TAFA5: variants seen among roughly 807,000 people sequenced by gnomAD.
TAFA5 encodes the protein chemokine-like protein TAFA-5.
A neutral mutation model predicts 15.3 loss-of-function variants in TAFA5; 6 were observed. The observed-to-expected ratio is 0.39, with a 90% CI of 0.21 to 0.77. TAFA5 has a LOEUF of 0.77. Among genes scored for constraint, TAFA5 ranks in the 30% least tolerant of loss-of-function variants. The pLI is 0.41. For missense variants in TAFA5, 161 were observed against 193.1 expected (o/e 0.83, Z 0.98); for synonymous variants, 103 against 80.7 (o/e 1.28, Z -1.48).
At chr22:48,596,371 C>T (rs931226386) in intron 1 of TAFA5, among the ~76,000 whole-genome samples, 1 of 152,164 alleles carries the variant, frequency 6.6e-6, no homozygotes, top group Non-Finnish European at 1.5e-5. Flanking sequence ...GGACACCAGC[C>T]CCCTCCCGGT....
At chr22:48,731,476 T>G (rs73441805) in intron 3 of TAFA5, among the ~76,000 whole-genome samples, 438 of 152,340 alleles carry the variant, frequency 2.9e-3, no homozygotes, top group African/African-American at 8.3e-3. Context: ...GTGCCTGGTT[T>G]CGAAGCACCA....
chr22:48,648,358 C>T (rs1300756483), intron 2 of TAFA5, among the ~76,000 whole-genome samples: 3 of 152,142 alleles, frequency 2.0e-5, no homozygotes, highest in East Asian at 3.9e-4. Context: ...CGGATCCCAC[C>T]GCCTCTGCCC....
At chr22:48,502,334 T>C (rs1308597868) in intron 1 of TAFA5, among the ~76,000 whole-genome samples, 1 of 152,100 alleles carries the variant, frequency 6.6e-6, no homozygotes, top group African/African-American at 2.4e-5. Context: ...GTGTATTTGG[T>C]TTTATTACCT....
chr22:48,606,232 C>G (rs1373492314), intron 1 of TAFA5, among the ~76,000 whole-genome samples: 1 of 152,160 alleles, frequency 6.6e-6, no homozygotes, highest in Non-Finnish European at 1.5e-5. Context: ...TGTCCTGGGG[C>G]ACAAGGAGAG....
intron 1 of TAFA5, among the ~76,000 whole-genome samples, chr22:48,534,012 C>G (rs549952995): frequency 6.6e-6 from 1 of 152,240 alleles, no homozygotes; most frequent in South Asian, 2.1e-4. Flanking sequence ...TGGAGCTGGG[C>G]TGATGACATG....
At chr22:48,722,832 G>A (rs1929610026) in intron 3 of TAFA5, among the ~76,000 whole-genome samples, 2 of 152,336 alleles carry the variant, frequency 1.3e-5, no homozygotes, top group South Asian at 4.1e-4. Context: ...CACGCCACAG[G>A]GCAGTCATGT....
At chr22:48,619,645 G>A (rs1925734500) in intron 1 of TAFA5, among the ~76,000 whole-genome samples, 1 of 152,212 alleles carries the variant, frequency 6.6e-6, no homozygotes, top group Admixed American at 6.5e-5. Flanking sequence ...TGAGAGTGCA[G>A]GGCCAGAGGA....
chr22:48,571,271 C>CTTTTTTT (rs869050468), intron 1 of TAFA5, among the ~76,000 whole-genome samples: 1 of 97,666 alleles, frequency 1.0e-5, no homozygotes, highest in Non-Finnish European at 2.0e-5. Context: ...TTGTTGTTTG[C>CTTTTTTT]TTTTTTTTTT....
chr22:48,568,324 TC>T (rs1274819506), intron 1 of TAFA5, among the ~76,000 whole-genome samples: 4 of 152,256 alleles, frequency 2.6e-5, no homozygotes, highest in African/African-American at 7.2e-5. Context: ...TGCTCACGTC[TC>T]GTCTGCTCCA....
At chr22:48,527,631 A>T (rs1921824872) in intron 1 of TAFA5, among the ~76,000 whole-genome samples, 1 of 152,156 alleles carries the variant, frequency 6.6e-6, no homozygotes, top group Admixed American at 6.5e-5. Flanking sequence ...AAGGGAGGTG[A>T]GGTCCCACCA....
chr22:48,660,720 T>A (rs1001040390), intron 2 of TAFA5, among the ~76,000 whole-genome samples: 2 of 152,194 alleles, frequency 1.3e-5, no homozygotes, highest in African/African-American at 2.4e-5. Flanking sequence ...CTCTGCACCT[T>A]ACCAGCTGTG....
At chr22:48,579,314 CG>C (rs1471372908) in intron 1 of TAFA5, among the ~76,000 whole-genome samples, 2 of 152,228 alleles carry the variant, frequency 1.3e-5, no homozygotes, top group Admixed American at 6.5e-5. Context: ...AGGGCCGCAG[CG>C]TGGGGTCCGG....
At chr22:48,501,380 CGTCT>C (rs1569160331) in intron 1 of TAFA5, among the ~76,000 whole-genome samples, 1 of 152,256 alleles carries the variant, frequency 6.6e-6, no homozygotes, top group African/African-American at 2.4e-5. Flanking sequence ...CCCGCCCTCG[CGTCT>C]GGGCGTTCTG....
intron 3 of TAFA5, among the ~76,000 whole-genome samples, chr22:48,725,910 G>A (rs6010494): frequency 0.32 from 48,473 of 151,938 alleles, 8,233 homozygotes; most frequent in Admixed American, 0.41. Flanking sequence ...AAAGTTACTC[G>A]AGCTGGAGGA....
At chr22:48,577,703 C>T (rs910278272) in intron 1 of TAFA5, among the ~76,000 whole-genome samples, 4 of 152,222 alleles carry the variant, frequency 2.6e-5, no homozygotes, top group African/African-American at 7.2e-5. Context: ...GACCCTGTGA[C>T]CTCCACGGGC....
At chr22:48,749,292 G>C (rs934120353) in intron 3 of TAFA5, among the ~76,000 whole-genome samples, 8 of 152,206 alleles carry the variant, frequency 5.3e-5, no homozygotes, top group Non-Finnish European at 5.9e-5. Context: ...CCATCCCCCA[G>C]TATGTGGTCA....
chr22:48,578,121 T>C (rs1312608787), intron 1 of TAFA5, among the ~76,000 whole-genome samples: 3 of 152,232 alleles, frequency 2.0e-5, no homozygotes, highest in Non-Finnish European at 4.4e-5. Context: ...TCTGCCTCTC[T>C]GGCTGATCTC....
intron 1 of TAFA5, among the ~76,000 whole-genome samples, chr22:48,588,224 C>T (rs568409341): frequency 1.5e-4 from 23 of 152,362 alleles, no homozygotes; most frequent in Middle Eastern, 3.4e-3. Flanking sequence ...TGAGAGGGGC[C>T]TGGCCATGAC....
chr22:48,584,023 G>GCCACACA (rs1408738283), intron 1 of TAFA5, among the ~76,000 whole-genome samples: 2 of 92,664 alleles, frequency 2.2e-5, no homozygotes, highest in African/African-American at 8.8e-5. Context: ...CACACCACAC[G>GCCACACA]CCACACACCA....
Sources: allele counts gnomAD v4.1 joint callset (sites outside exome capture counted in the v4.1 genomes callset), GRCh38; gene constraint gnomAD v4.1.1; transcripts MANE v1.5; gene names NCBI Gene and HGNC (gene_info 2026-07-23, HGNC 2026-07-21).